The following ITK variants were observed in gnomAD, a reference collection of about 807,000 sequenced individuals.
The protein encoded by ITK is IL2 inducible T cell kinase, also known as tyrosine-protein kinase ITK/TSK.
ITK carries 45 observed loss-of-function variants against 87.6 expected under a neutral mutation model. The observed-to-expected ratio is 0.51, with a 90% CI of 0.40 to 0.66. ITK has a LOEUF of 0.66. ITK is among the 30% of genes least tolerant of loss of function. ITK has a pLI of 0.00. For synonymous variants in ITK, 303 were observed against 273.6 expected (o/e 1.11, Z -1.06); for missense variants, 605 against 766.3 (o/e 0.79, Z 2.48).
rs115466728 is a variant in ITK at position 157,189,821 on chromosome 5, A to G, written c.138+8706A>G. 7.7e-3 allele frequency among the ~76,000 whole-genome samples: 1,178 copies of G among 152,372 alleles called. 21 individuals carry two copies. The highest frequency in any genetic ancestry group is 0.027 in the African/African-American group (1,125 of 41,594). On this transcript the variant is annotated intron_variant, in intron 1 of 16. Coordinates refer to ENST00000422843, the MANE Select transcript of ITK (RefSeq NM_005546.4). ...AGCTCTTCGCAAATGTTCATGGACC[A>G]AATAGTAAATCCTCATTCCACCCTC...
chr5:157,205,653 C>G (rs1754063410), intron 1 of ITK, among the ~76,000 whole-genome samples: 1 of 152,162 alleles, frequency 6.6e-6, no homozygotes, highest in South Asian at 2.1e-4. Context: ...CAGTTATGAG[C>G]AGACAAACTA....
chr5:157,203,028 G>A (rs1312592721), intron 1 of ITK, among the ~76,000 whole-genome samples: 2 of 152,070 alleles, frequency 1.3e-5, no homozygotes, highest in East Asian at 1.9e-4. Flanking sequence ...GCTCTACCTG[G>A]GATGCTCACT....
intron 2 of ITK, among the ~76,000 whole-genome samples, chr5:157,209,291 C>G (rs1754140736): frequency 6.7e-6 from 1 of 149,928 alleles, no homozygotes; most frequent in African/African-American, 2.5e-5. Flanking sequence ...AAGATCGTGC[C>G]ATTCACTCCA....
intron 3 of ITK, among the ~76,000 whole-genome samples, chr5:157,213,968 C>G (rs1754245551): frequency 6.6e-6 from 1 of 152,172 alleles, no homozygotes. Context: ...CAAGGCAGAG[C>G]CAGACGCAAG....
intron 1 of ITK, among the ~76,000 whole-genome samples, chr5:157,188,446 T>C (rs1275401146): frequency 6.6e-6 from 1 of 152,130 alleles, no homozygotes; most frequent in East Asian, 1.9e-4. Context: ...TCTGCCTTCT[T>C]CCTGAACCAT....
intron 1 of ITK, among the ~76,000 whole-genome samples, chr5:157,208,083 G>A (rs1754117844): frequency 6.6e-6 from 1 of 152,154 alleles, no homozygotes; most frequent in South Asian, 2.1e-4. Context: ...ACCTGTGAGA[G>A]GCTTCTTCCA....
intron 1 of ITK, among the ~76,000 whole-genome samples, chr5:157,190,391 T>C (rs1387748575): frequency 6.6e-6 from 1 of 152,230 alleles, no homozygotes. Flanking sequence ...AATTTATTCA[T>C]TTGTTCCGCA....
intron 6 of ITK, among the ~76,000 whole-genome samples, 178 bp downstream of exon 6, chr5:157,223,192 T>C (rs1754461278): frequency 6.6e-6 from 1 of 152,102 alleles, no homozygotes; most frequent in Non-Finnish European, 1.5e-5. Context: ...TTTCCTCTTC[T>C]CAGAAGTGGC....
At chr5:157,210,529 T>C (rs1754167531) in intron 2 of ITK, among the ~76,000 whole-genome samples, 1 of 87,544 alleles carries the variant, frequency 1.1e-5, no homozygotes, top group Non-Finnish European at 2.7e-5. Context: ...GACAATCTCT[T>C]GGTTTTTTTT....
intron 3 of ITK, chr5:157,213,604 A>G (rs528554126): frequency 2.2e-6 from 1 of 449,812 alleles, no homozygotes; most frequent in Admixed American, 2.5e-5. Flanking sequence ...CTAATCTAGA[A>G]CTCCTGGACT....
At chr5:157,244,241 C>A in intron 12 of ITK, 21 bp from the exon 13 acceptor site, 1 of 1,602,592 alleles carries the variant, frequency 6.2e-7, no homozygotes, top group Non-Finnish European at 8.6e-7. Flanking sequence ...GGCCATCTCA[C>A]CCCTTGTCTT....
chr5:157,241,430 T>C lies in ITK; in HGVS notation c.986-216T>C, dbSNP rs1754893877. 3 of 497,236 alleles carry C rather than the reference T, an allele frequency of 6.0e-6. No homozygotes were observed. In the East Asian group the frequency reaches 1.1e-4, roughly 17 times the overall value. 30.8% of individuals were successfully genotyped at this position (497,236 alleles called of 1,614,324 possible). On this transcript the variant is annotated intron_variant, in intron 10 of 16. Coordinates refer to ENST00000422843, the MANE Select transcript of ITK (RefSeq NM_005546.4). ...TTATATATCTTCTATTAGCAAGCTA[T>C]CTTGTGGAAATAATGGAATTTTACC...
intron 5 of ITK, among the ~76,000 whole-genome samples, chr5:157,218,150 A>G (rs922075013): frequency 9.9e-5 from 15 of 152,182 alleles, no homozygotes; most frequent in African/African-American, 3.6e-4. Flanking sequence ...TTCAACAAAT[A>G]CTGATATCAA....
intron 1 of ITK, among the ~76,000 whole-genome samples, chr5:157,193,038 A>T (rs546173043): frequency 6.6e-6 from 1 of 152,292 alleles, no homozygotes; most frequent in South Asian, 2.1e-4. Flanking sequence ...TAACATAGTG[A>T]GATCCCATCT....
At chr5:157,244,743 CT>C (rs34165329) in intron 13 of ITK, 16,444 of 443,020 alleles carry the variant, frequency 0.037, 415 homozygotes, top group Non-Finnish European at 0.051. Context: ...GCCACTCCTT[CT>C]TAACCTCTCT....
chr5:157,199,015 T>G (rs1052685841), intron 1 of ITK, among the ~76,000 whole-genome samples: 12 of 152,302 alleles, frequency 7.9e-5, no homozygotes, highest in African/African-American at 2.9e-4. Context: ...CCCTCCTTCT[T>G]TGGCCTCCCA....
intron 15 of ITK, 119 bp from the exon 16 acceptor site, chr5:157,248,731 C>A: frequency 8.6e-7 from 1 of 1,159,468 alleles, no homozygotes; most frequent in Middle Eastern, 2.4e-4. Flanking sequence ...ACTTGATGCA[C>A]TTCTGGAGGT....
intron 6 of ITK, among the ~76,000 whole-genome samples, chr5:157,225,928 C>G (rs1484752413): frequency 6.6e-6 from 1 of 152,154 alleles, no homozygotes; most frequent in African/African-American, 2.4e-5. Flanking sequence ...AGAGTTAAAC[C>G]CTTCATTTGG....
chr5:157,217,615 A>C (rs1350285206), intron 4 of ITK, among the ~76,000 whole-genome samples: 1 of 152,172 alleles, frequency 6.6e-6, no homozygotes, highest in Non-Finnish European at 1.5e-5. Context: ...AGGGCCCCCG[A>C]ATATGGACTT....
Sources: allele counts gnomAD v4.1 joint callset (sites outside exome capture counted in the v4.1 genomes callset), GRCh38; gene constraint gnomAD v4.1.1; transcripts MANE v1.5; gene names NCBI Gene and HGNC (gene_info 2026-07-23, HGNC 2026-07-21).